The following ATP6V1C1 variants were observed in gnomAD, a reference collection of about 807,000 sequenced individuals.
ATP6V1C1 encodes V-type proton ATPase subunit C 1.
In ATP6V1C1, 45 loss-of-function variants were observed where a neutral mutation model predicts 53.9. The observed-to-expected ratio is 0.83, with a 90% CI of 0.66 to 1.07. The LOEUF (loss-of-function observed/expected upper bound fraction) is 1.07, where lower values mean the gene tolerates loss of function less well. Among genes scored for constraint, ATP6V1C1 ranks in the 50% least tolerant of loss-of-function variants. The probability of loss-of-function intolerance (pLI) is 0.00; values close to 1 mark genes in which losing one functional copy is unlikely to be tolerated. For missense variants in ATP6V1C1, 315 were observed against 440.3 expected (o/e 0.72, Z 2.55); for synonymous variants, 153 against 155.2 (o/e 0.99, Z 0.11).
chr8:103,065,239 C>G (rs1015422717), intron 11 of ATP6V1C1, among the ~76,000 whole-genome samples: 2 of 152,068 alleles, frequency 1.3e-5, no homozygotes, highest in Admixed American at 6.6e-5. Flanking sequence ...GTATGGGTTG[C>G]TCATATTAGA....
At chr8:103,065,467 C>A (rs903130495) in intron 11 of ATP6V1C1, among the ~76,000 whole-genome samples, 1 of 152,138 alleles carries the variant, frequency 6.6e-6, no homozygotes. Context: ...GGCAGAGAAT[C>A]ACTTGAACCC....
intron 1 of ATP6V1C1, among the ~76,000 whole-genome samples, chr8:103,039,317 G>A (rs1586313442): frequency 6.6e-6 from 1 of 152,218 alleles, no homozygotes; most frequent in South Asian, 2.1e-4. Context: ...ACTTTCAATG[G>A]TATTGTAGTG....
chr8:103,054,044 G>GT, intron 7 of ATP6V1C1, 62 bp downstream of exon 7: 1 of 1,323,306 alleles, frequency 7.6e-7, no homozygotes. Context: ...TTAGTATCTA[G>GT]TATTGTAGTT....
At chr8:103,027,384 G>T (rs1816716852) in intron 1 of ATP6V1C1, among the ~76,000 whole-genome samples, 1 of 152,198 alleles carries the variant, frequency 6.6e-6, no homozygotes, top group Non-Finnish European at 1.5e-5. Flanking sequence ...GGAGCACTTA[G>T]TGGAGTGCGG....
chr8:103,021,431 G>A (rs933401827), intron 1 of ATP6V1C1: 4 of 152,286 alleles, frequency 2.6e-5, no homozygotes, highest in Admixed American at 1.3e-4. Context: ...GAGAAGGAGG[G>A]AAAAAGAGAA....
At chr8:103,056,562 A>C (rs1319836140) in intron 8 of ATP6V1C1, among the ~76,000 whole-genome samples, 1 of 152,236 alleles carries the variant, frequency 6.6e-6, no homozygotes, top group East Asian at 1.9e-4. Flanking sequence ...AGAAGAAGTT[A>C]AAATGCTTAA....
intron 8 of ATP6V1C1, among the ~76,000 whole-genome samples, 195 bp downstream of exon 8, chr8:103,056,131 A>C (rs1817285540): frequency 6.6e-6 from 1 of 152,164 alleles, no homozygotes; most frequent in Admixed American, 6.5e-5. Flanking sequence ...TCCTGTTTAT[A>C]GACTTAGAAG....
rs369852846 is a variant in ATP6V1C1, at chr8:103,064,704, C to G, written c.829-10C>G. ...GACCAAATTTGTGGTAATTTTTTTT[C>G]TTTTTATAGGGACCACTTGTACGGT... On this transcript the variant is annotated splice_polypyrimidine_tract_variant and intron_variant, in intron 10 of 12. Coordinates refer to ENST00000518738, the MANE Select transcript of ATP6V1C1 (RefSeq NM_001695.5). 8.2e-6 allele frequency: 13 copies of G among 1,591,932 alleles called. No individual in the cohort carries two copies. The highest frequency in any genetic ancestry group is 1.1e-5 in the Non-Finnish European group (13 of 1,172,076).
chr8:103,052,731 G>GGAGT lies in ATP6V1C1; in HGVS notation c.383_386dup (p.Thr130SerfsTer5). ...TTTTTCTTCTTTTTCTTTTTCAAAGGGAGTAACTCAGATTGATAATGACCT... is the reference window on the plus strand; with the variant it reads ...TTTTTCTTCTTTTTCTTTTTCAAAGGGAGTGAGTAACTCAGATTGATAATGACCT... On this transcript the variant is annotated frameshift_variant and splice_region_variant, in exon 6 of 13. Coordinates refer to ENST00000518738, the MANE Select transcript of ATP6V1C1 (RefSeq NM_001695.5). LOFTEE classifies it high-confidence loss of function. 6.4e-7 allele frequency: 1 copy of GGAGT among 1,561,018 alleles called. No homozygotes were observed. Among genetic ancestry groups the GGAGT allele is most frequent in the East Asian group, 2.4e-5 (1 of 42,492 alleles).
At chr8:103,035,777 T>C (rs1156802018) in intron 1 of ATP6V1C1, among the ~76,000 whole-genome samples, 1 of 152,200 alleles carries the variant, frequency 6.6e-6, no homozygotes. Flanking sequence ...GTTGCAGGAC[T>C]CCAAAGTTTG....
intron 12 of ATP6V1C1, among the ~76,000 whole-genome samples, chr8:103,067,757 G>T (rs1249488416): frequency 6.6e-6 from 1 of 151,662 alleles, no homozygotes; most frequent in East Asian, 2.0e-4. Context: ...GCTAATTTTT[G>T]TATTTTTAGT....
chr8:103,022,336 A>G (rs908778380), intron 1 of ATP6V1C1, among the ~76,000 whole-genome samples: 5 of 152,140 alleles, frequency 3.3e-5, no homozygotes, highest in African/African-American at 1.2e-4. Flanking sequence ...TTTACAGTGG[A>G]TTGCACTGCG....
chr8:103,048,706 A>G (rs1398128698), intron 3 of ATP6V1C1, among the ~76,000 whole-genome samples, 164 bp from the exon 4 acceptor site: 1 of 152,234 alleles, frequency 6.6e-6, no homozygotes, highest in Non-Finnish European at 1.5e-5. Flanking sequence ...GGTCCATTTT[A>G]TCCTTAAAAC....
At chr8:103,057,873 T>A (rs1817318013) in intron 8 of ATP6V1C1, among the ~76,000 whole-genome samples, 1 of 152,158 alleles carries the variant, frequency 6.6e-6, no homozygotes, top group Admixed American at 6.5e-5. Flanking sequence ...TCATACCAGC[T>A]CTTCACATGG....
intron 5 of ATP6V1C1, 72 bp from the exon 6 acceptor site, chr8:103,052,659 C>A: frequency 1.3e-6 from 1 of 745,246 alleles, no homozygotes; most frequent in Non-Finnish European, 2.0e-6. Context: ...TAAAGTTTAG[C>A]TACTTTGATA....
intron 8 of ATP6V1C1, among the ~76,000 whole-genome samples, chr8:103,061,174 G>A (rs1257031753): frequency 6.6e-6 from 1 of 152,146 alleles, no homozygotes; most frequent in Non-Finnish European, 1.5e-5. Flanking sequence ...AAGAATTAAG[G>A]GTAATCATTT....
rs3837181 is a variant in ATP6V1C1, at chr8:103,034,569, A to AT, written c.-39-6212dup. The stretch of plus-strand genomic sequence containing the variant: ...AAATTGTTCTTAAATTTCAAGGATA[A>AT]TTTTTTTTTTTTTTTTTGAGATGAA... On this transcript the variant is annotated intron_variant, in intron 1 of 12. Coordinates refer to ENST00000518738, the MANE Select transcript of ATP6V1C1 (RefSeq NM_001695.5). Among the ~76,000 whole-genome samples, 458 of 139,476 alleles carry AT rather than the reference A, an allele frequency of 3.3e-3. 1 individual carries two copies. The highest frequency in any genetic ancestry group is 7.9e-3 in the African/African-American group (295 of 37,120). The allele number at this position is 139,476 out of a possible 152,430, so 91.5% of individuals were successfully genotyped here.
chr8:103,062,089 C>T (rs1280006340), intron 8 of ATP6V1C1, among the ~76,000 whole-genome samples: 2 of 151,012 alleles, frequency 1.3e-5, no homozygotes, highest in African/African-American at 4.9e-5. Flanking sequence ...CCTTCTAAAG[C>T]CTAAAATGGA....
chr8:103,064,153 C>G (rs1817449623), intron 10 of ATP6V1C1, among the ~76,000 whole-genome samples: 1 of 152,076 alleles, frequency 6.6e-6, no homozygotes. Flanking sequence ...CCGCTTAATC[C>G]TACTAAATAT....
Sources: allele counts gnomAD v4.1 joint callset (sites outside exome capture counted in the v4.1 genomes callset), GRCh38; gene constraint gnomAD v4.1.1; transcripts MANE v1.5; gene names NCBI Gene and HGNC (gene_info 2026-07-23, HGNC 2026-07-21).